TFDP2: variants seen among roughly 807,000 people sequenced by gnomAD.
TFDP2 encodes the protein transcription factor Dp-2 (E2F dimerization partner 2).
TFDP2 carries 17 observed loss-of-function variants against 59.3 expected under a neutral mutation model. The observed-to-expected ratio is 0.29, with a 90% CI of 0.20 to 0.43. The LOEUF (loss-of-function observed/expected upper bound fraction) is 0.43. Ranked by LOEUF, TFDP2 falls within the 20% of genes least tolerant of loss-of-function variation. TFDP2 has a pLI of 1.00. For synonymous variants in TFDP2, 180 were observed against 194.7 expected (o/e 0.92, Z 0.63); for missense variants, 391 against 528.8 (o/e 0.74, Z 2.56).
chr3:141,985,970 T>A (rs1942054462), intron 6 of TFDP2, among the ~76,000 whole-genome samples: 1 of 152,186 alleles, frequency 6.6e-6, no homozygotes, highest in African/African-American at 2.4e-5. Context: ...AGCAAAAACG[T>A]GGAGAAACTG....
At chr3:142,120,357 G>A (rs886347092) in intron 1 of TFDP2, among the ~76,000 whole-genome samples, 3 of 151,848 alleles carry the variant, frequency 2.0e-5, no homozygotes, top group African/African-American at 2.4e-5. Flanking sequence ...GCCAGACTAC[G>A]TCTCAAAAAA....
At chr3:142,098,840 C>G (rs2061241222) in intron 2 of TFDP2, among the ~76,000 whole-genome samples, 1 of 152,200 alleles carries the variant, frequency 6.6e-6, no homozygotes, top group Non-Finnish European at 1.5e-5. Flanking sequence ...TGGAAGAAGA[C>G]AGACCCCTGA....
At chr3:142,104,555 AT>A (rs1254276912) in intron 1 of TFDP2, among the ~76,000 whole-genome samples, 1 of 152,174 alleles carries the variant, frequency 6.6e-6, no homozygotes, top group Non-Finnish European at 1.5e-5. Context: ...ATGCAATTAA[AT>A]TAGGAATCAA....
chr3:142,042,501 T>C (rs965756692), intron 3 of TFDP2, among the ~76,000 whole-genome samples: 1 of 152,012 alleles, frequency 6.6e-6, no homozygotes, highest in Non-Finnish European at 1.5e-5. Flanking sequence ...GGTTTCACCA[T>C]GTTGGCCAGG....
chr3:142,051,409 T>G (rs969986530), intron 3 of TFDP2, among the ~76,000 whole-genome samples: 3 of 151,920 alleles, frequency 2.0e-5, no homozygotes, highest in Admixed American at 6.6e-5. Flanking sequence ...CGTGGTGGTG[T>G]GCACCTGTAA....
intron 3 of TFDP2, among the ~76,000 whole-genome samples, chr3:142,016,568 T>C (rs1945150654): frequency 6.6e-6 from 1 of 152,230 alleles, no homozygotes; most frequent in South Asian, 2.1e-4. Flanking sequence ...CCCTAAGTGC[T>C]GGGATTACAG....
At chr3:142,084,718 CA>C (rs1328447855) in intron 3 of TFDP2, among the ~76,000 whole-genome samples, 3 of 151,772 alleles carry the variant, frequency 2.0e-5, no homozygotes, top group Admixed American at 2.0e-4. Flanking sequence ...ATAAGCAAGG[CA>C]TGGAAAGATA....
In TFDP2 at chr3:142,044,451, G is replaced by A. The variant is rs953744365; in HGVS notation, c.83-38907C>T. On this transcript the variant is annotated intron_variant, in intron 3 of 12. Transcript: ENST00000489671. Reference sequence around the variant, plus strand: ...GGGTTTCATCATGTTGGCCAGGATGGTCTCGATCTGTTGACCTCATGATCT... The same window carrying A: ...GGGTTTCATCATGTTGGCCAGGATGATCTCGATCTGTTGACCTCATGATCT... Among the ~76,000 whole-genome samples, 3 of 152,062 alleles carry A rather than the reference G, an allele frequency of 2.0e-5. No homozygotes were observed. The South Asian group carries it at 6.2e-4, about 32-fold the overall frequency.
chr3:141,982,398 A>G lies in TFDP2; in HGVS notation c.357-3716T>C, dbSNP rs77495212. 1.3e-3 allele frequency among the ~76,000 whole-genome samples: 205 copies of G among 152,040 alleles called. 2 individuals carry two copies. The highest frequency in any genetic ancestry group is 4.8e-3 in the African/African-American group (197 of 41,466). On this transcript the variant is annotated intron_variant, in intron 6 of 12. Transcript: ENST00000489671. ...CTTTTTTCTTCTTCTTTTTTTTTAA[A>G]AGACTACTCAAGTAGTCTTTACCCC...
Position 142,133,470 on chromosome 3 carries a change from T to G in TFDP2, c.-93+15713A>C, listed in dbSNP as rs1033829813. Among the ~76,000 whole-genome samples, 5 of 149,988 alleles carry G rather than the reference T, an allele frequency of 3.3e-5. 1 individual carries two copies. The highest frequency in any genetic ancestry group is 1.0e-4 in the African/African-American group (4 of 39,530). The stretch of plus-strand genomic sequence containing the variant: ...TCCTGCCTCCCTCAGCCCTGCAAAG[T>G]GCTGGGATTATAGGCATGAGCCACT... On this transcript the variant is annotated intron_variant, in intron 1 of 12. Transcript: ENST00000489671.
chr3:142,045,534 T>A (rs1450609063), intron 3 of TFDP2, among the ~76,000 whole-genome samples: 1 of 151,926 alleles, frequency 6.6e-6, no homozygotes, highest in African/African-American at 2.4e-5. Context: ...AGTTGAGAAA[T>A]CTATCCAGGT....
intron 3 of TFDP2, among the ~76,000 whole-genome samples, chr3:142,013,749 T>C (rs1944901689): frequency 6.6e-6 from 1 of 151,372 alleles, no homozygotes; most frequent in African/African-American, 2.4e-5. Context: ...TGTCTTCCAC[T>C]AGAATTGTCT....
chr3:142,070,429 CA>C (rs1285725460), intron 3 of TFDP2, among the ~76,000 whole-genome samples: 1 of 152,186 alleles, frequency 6.6e-6, no homozygotes, highest in Non-Finnish European at 1.5e-5. Context: ...AGATGCATGC[CA>C]CCAAGCCTGG....
At chr3:142,001,224 C>T (rs1260416264) in intron 4 of TFDP2, among the ~76,000 whole-genome samples, 2 of 152,194 alleles carry the variant, frequency 1.3e-5, no homozygotes, top group East Asian at 3.9e-4. Flanking sequence ...ACTCTGCACC[C>T]ACTGGAGATG....
Position 141,951,980 on chromosome 3 carries a change from G to C in TFDP2, c.*533C>G, listed in dbSNP as rs1256138829. The C allele has an allele frequency of 6.5e-6, 1 of 152,728 alleles. No individual in the cohort carries two copies. The highest frequency in any genetic ancestry group is 1.5e-5 in the Non-Finnish European group (1 of 68,136). The allele number at this position is 152,728 out of a possible 1,614,324, so 9.5% of individuals were successfully genotyped here. A position where few individuals can be genotyped will look rare whatever the true frequency, so the allele number is the denominator to read the frequency against. On this transcript the variant is annotated 3_prime_UTR_variant, in exon 13 of 13. Transcript: ENST00000489671. ...AGCACCTCATCTAGACCTCCAACTA[G>C]TTCAGCAGTTCAATCTGTGCCCCTC... is the stretch of plus-strand genomic sequence containing the variant.
chr3:142,044,649 G>C (rs1947237651), intron 3 of TFDP2, among the ~76,000 whole-genome samples: 1 of 152,174 alleles, frequency 6.6e-6, no homozygotes, highest in Non-Finnish European at 1.5e-5. Context: ...GGGATTACAG[G>C]CGTGAGCCAC....
chr3:142,117,159 G>A (rs747212395), intron 1 of TFDP2, among the ~76,000 whole-genome samples: 1 of 152,198 alleles, frequency 6.6e-6, no homozygotes, highest in South Asian at 2.1e-4. Context: ...GACCTCAAGT[G>A]ATCTGCCCGC....
chr3:142,045,490 C>T (rs758898300), intron 3 of TFDP2, among the ~76,000 whole-genome samples: 14 of 151,864 alleles, frequency 9.2e-5, no homozygotes, highest in Non-Finnish European at 1.6e-4. Flanking sequence ...ATAAATCCCA[C>T]GATGCCTTTA....
At chr3:141,963,716 G>T in intron 10 of TFDP2, 96 bp downstream of exon 10, 1 of 1,416,998 alleles carries the variant, frequency 7.1e-7, no homozygotes, top group Non-Finnish European at 9.6e-7. Context: ...CCTTTGAGGG[G>T]TGCAACTAAT....
Sources: gnomAD v4.1 joint callset for allele counts (sites outside exome capture counted in the v4.1 genomes callset) on GRCh38, gnomAD v4.1.1 for gene constraint, MANE v1.5 for transcripts, NCBI Gene and HGNC (gene_info 2026-07-23, HGNC 2026-07-21) for gene names.